The following PLXNA4 variants were observed in gnomAD, a reference collection of about 807,000 sequenced individuals.
PLXNA4 encodes plexin-A4.
In PLXNA4, 44 loss-of-function variants were observed where a neutral mutation model predicts 191.8. The observed-to-expected ratio is 0.23, with a 90% CI of 0.18 to 0.29. PLXNA4 has a LOEUF of 0.29. Among genes scored for constraint, PLXNA4 ranks in the 10% least tolerant of loss-of-function variants. The probability of loss-of-function intolerance (pLI) is 1.00; values close to 1 mark genes in which losing one functional copy is unlikely to be tolerated. For synonymous variants in PLXNA4, 1,082 were observed against 1,009.5 expected (o/e 1.07, Z -1.36); for missense variants, 1,800 against 2,488.8 (o/e 0.72, Z 5.89).
intron 3 of PLXNA4, among the ~76,000 whole-genome samples, chr7:132,472,655 C>T (rs150266572): frequency 6.8e-4 from 104 of 152,358 alleles, no homozygotes; most frequent in Non-Finnish European, 1.3e-3. Context: ...CCGATGATCT[C>T]ATCTTGCAGA....
intron 1 of PLXNA4, among the ~76,000 whole-genome samples, chr7:132,521,283 T>G (rs2116364283): frequency 6.6e-6 from 1 of 152,018 alleles, no homozygotes; most frequent in Non-Finnish European, 1.5e-5. Context: ...TAGAGGATTT[T>G]AGGACATAAA....
At chr7:132,337,438 A>G (rs1423239492) in intron 3 of PLXNA4, among the ~76,000 whole-genome samples, 1 of 152,250 alleles carries the variant, frequency 6.6e-6, no homozygotes, top group Non-Finnish European at 1.5e-5. Context: ...TGTGTTGTGC[A>G]CATTCATACT....
chr7:132,540,188 G>A lies in PLXNA4; in HGVS notation c.-86-31409C>T, dbSNP rs114600554. On this transcript the variant is annotated intron_variant, in intron 1 of 31. Transcript: ENST00000321063. ...GAAACACTGATCAACCCAGAGTTTC[G>A]GAGCTATCCAGAGCATGCAGCATGT... Among the ~76,000 whole-genome samples the A allele has an allele frequency of 5.0e-3, 762 of 152,002 alleles. 7 individuals are homozygous for A. Among genetic ancestry groups the A allele is most frequent in the African/African-American group, 0.016 (684 of 41,458 alleles).
At chr7:132,260,521 G>T (rs1044439620) in intron 4 of PLXNA4, among the ~76,000 whole-genome samples, 3 of 152,168 alleles carry the variant, frequency 2.0e-5, no homozygotes, top group Non-Finnish European at 4.4e-5. Context: ...CTAGAGTGGG[G>T]AGGATGAAAG....
chr7:132,259,454 A>G (rs1202301984), intron 4 of PLXNA4, among the ~76,000 whole-genome samples: 7 of 139,168 alleles, frequency 5.0e-5, no homozygotes, highest in Non-Finnish European at 6.2e-5. Flanking sequence ...AAAAAAAAAA[A>G]AAAAAAAAAA....
At chr7:132,547,057 G>A (rs1800341925) in intron 1 of PLXNA4, among the ~76,000 whole-genome samples, 1 of 152,164 alleles carries the variant, frequency 6.6e-6, no homozygotes, top group Admixed American at 6.5e-5. Flanking sequence ...ATAGTAAACT[G>A]AATTACAGCA....
chr7:132,595,272 G>A (rs1802688126), intron 2 of PLXNA4, among the ~76,000 whole-genome samples: 1 of 152,094 alleles, frequency 6.6e-6, no homozygotes, highest in Non-Finnish European at 1.5e-5. Flanking sequence ...TGCCCTTGTT[G>A]TCTATCTTTA....
intron 1 of PLXNA4, among the ~76,000 whole-genome samples, chr7:132,515,744 T>G (rs1172910667): frequency 6.6e-6 from 1 of 152,250 alleles, no homozygotes; most frequent in Non-Finnish European, 1.5e-5. Context: ...CACCAATTCA[T>G]GCTTCCGGGC....
chr7:132,327,342 AAGTT>A (rs1230900598), intron 3 of PLXNA4, among the ~76,000 whole-genome samples: 6 of 152,000 alleles, frequency 3.9e-5, no homozygotes, highest in African/African-American at 1.5e-4. Flanking sequence ...ACTGAGAAAT[AAGTT>A]AGTCATGAAA....
intron 3 of PLXNA4, among the ~76,000 whole-genome samples, chr7:132,440,559 C>T (rs952796643): frequency 3.3e-5 from 5 of 152,256 alleles, no homozygotes; most frequent in Admixed American, 1.3e-4. Flanking sequence ...AATATGATAA[C>T]GATTCTAAGG....
At chr7:132,215,688 G>A (rs1451666572) in intron 9 of PLXNA4, among the ~76,000 whole-genome samples, 1 of 152,110 alleles carries the variant, frequency 6.6e-6, no homozygotes, top group Non-Finnish European at 1.5e-5. Context: ...ACCATCAGTG[G>A]GCAATGGTTT....
rs1234186530 is a variant in PLXNA4, at chr7:132,500,539, G to A, written c.1188+6967C>T. 2.6e-5 allele frequency among the ~76,000 whole-genome samples: 4 copies of A among 152,168 alleles called. No individual in the cohort carries two copies. In the South Asian group the frequency reaches 6.2e-4, roughly 24 times the overall value. On this transcript the variant is annotated intron_variant, in intron 2 of 31. Transcript: ENST00000321063. ...GCAGCTGGAGCACATCCTAGGGCCT[G>A]AGATACCAAACACCACACCTGCATT...
At chr7:132,352,292 A>T (rs1486952095) in intron 3 of PLXNA4, 1 of 151,948 alleles carries the variant, frequency 6.6e-6, no homozygotes, top group Non-Finnish European at 1.5e-5. Context: ...ACGTGTGCCC[A>T]TCCCTGACTG....
Position 132,182,115 on chromosome 7 carries a change from T to C in PLXNA4, c.3234A>G (p.Gly1078=), listed in dbSNP as rs772728398. 3 of 1,613,998 alleles carry C rather than the reference T, an allele frequency of 1.9e-6. No individual in the cohort carries two copies. Among genetic ancestry groups the C allele is most frequent in the Admixed American group, 3.3e-5 (2 of 60,000 alleles). The part of the protein sequence containing the change: ...IQNPQIRAKH[G]GKEHINICEV... ...CACTCACATTGATGTGCTCCTTCCC[T>C]CCATGCTTGGCACGGATCTGGGGGT... The change falls in exon 17 of 32, where the codon GGA becomes GGG. Residue 1078 remains glycine (G), a synonymous_variant. Transcript: ENST00000321063.
In PLXNA4 at chr7:132,275,462, T is replaced by G. The variant is rs192719994; in HGVS notation, c.1503+22629A>C. Among the ~76,000 whole-genome samples, 501 of 152,286 alleles carry G rather than the reference T, an allele frequency of 3.3e-3. 2 individuals are homozygous for G. The highest frequency in any genetic ancestry group is 3.1e-3 in the Non-Finnish European group (214 of 68,022). On this transcript the variant is annotated intron_variant, in intron 4 of 31. Transcript: ENST00000321063. ...ATCCAGAACTATTTCATCACGACCA[T>G]AAAACCAGACACTTAAAATTGGTGA...
chr7:132,357,961 G>C (rs999858174), intron 3 of PLXNA4, among the ~76,000 whole-genome samples: 4 of 152,222 alleles, frequency 2.6e-5, no homozygotes, highest in Non-Finnish European at 5.9e-5. Flanking sequence ...ATCCATGCCA[G>C]AAAGCAGGAG....
At chr7:132,565,606 A>T (rs558168421) in intron 1 of PLXNA4, among the ~76,000 whole-genome samples, 1 of 152,306 alleles carries the variant, frequency 6.6e-6, no homozygotes, top group Admixed American at 6.5e-5. Context: ...AACAAAGCAC[A>T]TGACATCCGC....
rs1796726806 is a variant in PLXNA4 at position 132,182,080 on chromosome 7, A to G, written c.3252+17T>C. Reference sequence around the variant, plus strand: ...TGCATGGGCAGCCTCCATGAACCCCATCAGCCCTACACTCACATTGATGTG... The same window carrying G: ...TGCATGGGCAGCCTCCATGAACCCCGTCAGCCCTACACTCACATTGATGTG... On this transcript the variant is annotated intron_variant, in intron 17 of 31. Coordinates refer to ENST00000321063, the MANE Select transcript of PLXNA4 (RefSeq NM_020911.2). 6.2e-7 allele frequency: 1 copy of G among 1,614,070 alleles called. No homozygotes were observed. Among genetic ancestry groups the G allele is most frequent in the East Asian group, 2.2e-5 (1 of 44,812 alleles).
intron 2 of PLXNA4, among the ~76,000 whole-genome samples, chr7:132,597,807 C>T (rs1433040395): frequency 6.6e-6 from 1 of 151,748 alleles, no homozygotes; most frequent in African/African-American, 2.4e-5. Flanking sequence ...TCTTTTCACT[C>T]AATATTAAGT....
Sources: gnomAD v4.1 joint callset for allele counts (sites outside exome capture counted in the v4.1 genomes callset) on GRCh38, gnomAD v4.1.1 for gene constraint, MANE v1.5 for transcripts, NCBI Gene and HGNC (gene_info 2026-07-23, HGNC 2026-07-21) for gene names.